XPR1: variants seen among roughly 807,000 people sequenced by gnomAD.
XPR1 encodes xenotropic and polytropic retrovirus receptor 1, also known as solute carrier family 53 member 1.
In XPR1, 28 loss-of-function variants were observed where a neutral mutation model predicts 87.5. The observed-to-expected ratio is 0.32, with a 90% CI of 0.24 to 0.44. The LOEUF is 0.44. Ranked by LOEUF, XPR1 falls within the 20% of genes least tolerant of loss-of-function variation. The pLI is 1.00. For synonymous variants in XPR1, 300 were observed against 306.1 expected, an observed-to-expected ratio of 0.98 and a Z score of 0.21; for missense variants, 559 against 862.3, an observed-to-expected ratio of 0.65 and a Z score of 4.41.
At chr1:180,763,487 A>G (rs1347273775) in intron 2 of XPR1, among the ~76,000 whole-genome samples, 2 of 152,186 alleles carry the variant, frequency 1.3e-5, no homozygotes, top group Non-Finnish European at 2.9e-5. Context: ...GAAGAAATGG[A>G]TATTGAAGAC....
At chr1:180,856,468 T>C (rs1204976905) in intron 11 of XPR1, among the ~76,000 whole-genome samples, 1 of 152,206 alleles carries the variant, frequency 6.6e-6, no homozygotes, top group Non-Finnish European at 1.5e-5. Context: ...CTCCCCAGTC[T>C]GTATCTGAAG....
intron 8 of XPR1, 97 bp downstream of exon 8, chr1:180,825,040 G>A: frequency 6.7e-7 from 1 of 1,499,586 alleles, no homozygotes; most frequent in Non-Finnish European, 8.9e-7. Flanking sequence ...TCTACTTGAA[G>A]AGGATTATTA....
At chr1:180,659,859 C>G (rs907544071) in intron 1 of XPR1, among the ~76,000 whole-genome samples, 1 of 151,992 alleles carries the variant, frequency 6.6e-6, no homozygotes, top group Non-Finnish European at 1.5e-5. Flanking sequence ...GTTTTGGTGT[C>G]AGGATAATAA....
chr1:180,714,349 T>TTTCTC lies in XPR1; in HGVS notation c.121+31939_121+31940insTCTCT, dbSNP rs1393530457. On this transcript the variant is annotated intron_variant, in intron 2 of 14. Transcript: ENST00000367590. ...ATTTTTCTCTCATATTTTTTCCCTG[T>TTTCTC]TCTCTCTCTCTCTCTCTCTCTCTCT... 4.4e-4 allele frequency among the ~76,000 whole-genome samples: 32 copies of TTTCTC among 72,150 alleles called. 1 individual carries two copies. The highest frequency in any genetic ancestry group is 1.6e-3 in the African/African-American group (29 of 18,248). The allele number at this position is 72,150 out of a possible 152,430, so 47.3% of individuals were successfully genotyped here.
intron 2 of XPR1, among the ~76,000 whole-genome samples, chr1:180,707,029 G>C (rs187343426): frequency 6.6e-6 from 1 of 152,178 alleles, no homozygotes; most frequent in East Asian, 1.9e-4. Flanking sequence ...ATCAGTTGTA[G>C]AAATATGTAT....
chr1:180,787,096 G>T (rs570765976), intron 2 of XPR1, among the ~76,000 whole-genome samples: 1 of 151,974 alleles, frequency 6.6e-6, no homozygotes. Context: ...CTTGCTGAAT[G>T]AATTCTACTC....
At chr1:180,761,286 A>C (rs996116916) in intron 2 of XPR1, among the ~76,000 whole-genome samples, 30 of 152,176 alleles carry the variant, frequency 2.0e-4, no homozygotes, top group Admixed American at 9.2e-4. Context: ...GAATTAAACT[A>C]AAGAGCTTCT....
chr1:180,740,397 C>T (rs1658875113), intron 2 of XPR1, among the ~76,000 whole-genome samples: 2 of 151,678 alleles, frequency 1.3e-5, no homozygotes, highest in African/African-American at 4.8e-5. Context: ...TTGTCACATG[C>T]TTTTTATGCG....
chr1:180,806,076 A>T lies in XPR1; in HGVS notation c.462A>T (p.Thr154=). ...LLQNYQNLNF[T]GFRKILKKHD... ...TCTTTCTGTAGAATCTGAATTTTAC[A>T]GGGTTTCGAAAAATCCTGAAAAAGC... Residue 154 remains threonine (T), a synonymous_variant, in exon 5 of 15, where the codon ACA becomes ACT. Coordinates refer to ENST00000367590, the MANE Select transcript of XPR1 (RefSeq NM_004736.4). 3 of 1,612,932 alleles carry T rather than the reference A, an allele frequency of 1.9e-6. No individual in the cohort carries two copies. The highest frequency in any genetic ancestry group is 2.5e-6 in the Non-Finnish European group (3 of 1,179,454).
chr1:180,732,925 A>T (rs568338474), intron 2 of XPR1, among the ~76,000 whole-genome samples: 1 of 152,198 alleles, frequency 6.6e-6, no homozygotes, highest in East Asian at 1.9e-4. Context: ...CAGAAGGGAG[A>T]TGGAGTGGGA....
At chr1:180,855,783 T>G (rs1046535480) in intron 11 of XPR1, among the ~76,000 whole-genome samples, 1 of 152,134 alleles carries the variant, frequency 6.6e-6, no homozygotes, top group South Asian at 2.1e-4. Context: ...TCCTACTAGC[T>G]TAAGAAAATT....
Position 180,880,395 on chromosome 1 carries a change from T to A in XPR1, c.2030+98T>A. On this transcript the variant is annotated intron_variant, in intron 14 of 14. Coordinates refer to ENST00000367590, the MANE Select transcript of XPR1 (RefSeq NM_004736.4). ...AGCTATCAGGTTGAACCAAATGAAATTGCCAATACTCAGCCATTTTTCACC... is the reference window on the plus strand; with the variant it reads ...AGCTATCAGGTTGAACCAAATGAAAATGCCAATACTCAGCCATTTTTCACC... 4 of 1,364,806 alleles carry A rather than the reference T, an allele frequency of 2.9e-6. No individual in the cohort carries two copies. In the South Asian group the frequency reaches 5.3e-5, roughly 18 times the overall value. 84.5% of individuals were successfully genotyped at this position (1,364,806 alleles called of 1,614,324 possible).
At chr1:180,810,289 C>A (rs1554183) in intron 6 of XPR1, among the ~76,000 whole-genome samples, 51,697 of 151,942 alleles carry the variant, frequency 0.34, 9,159 homozygotes, top group Non-Finnish European at 0.38. Flanking sequence ...CTTTAAATTA[C>A]CCCAGTATGG....
At chr1:180,679,510 G>T (rs1656490311) in intron 1 of XPR1, among the ~76,000 whole-genome samples, 2 of 152,100 alleles carry the variant, frequency 1.3e-5, no homozygotes, top group Admixed American at 1.3e-4. Flanking sequence ...AGGCCAATAT[G>T]GGCATCACCA....
intron 1 of XPR1, among the ~76,000 whole-genome samples, chr1:180,641,136 C>T (rs1229124005): frequency 6.6e-6 from 1 of 152,102 alleles, no homozygotes; most frequent in Admixed American, 6.6e-5. Context: ...TGACTTCAGG[C>T]AAGTCAGTTA....
intron 2 of XPR1, among the ~76,000 whole-genome samples, chr1:180,752,965 C>T (rs926043282): frequency 2.0e-5 from 3 of 151,986 alleles, no homozygotes; most frequent in African/African-American, 7.3e-5. Context: ...TACAGAAGTA[C>T]CAAGTAGTTA....
At chr1:180,780,733 A>G (rs1648903066) in intron 2 of XPR1, among the ~76,000 whole-genome samples, 1 of 150,346 alleles carries the variant, frequency 6.7e-6, no homozygotes. Flanking sequence ...GTGCCACTGC[A>G]CTCCAACCTG....
intron 9 of XPR1, among the ~76,000 whole-genome samples, chr1:180,833,682 C>T (rs1464975004): frequency 6.6e-6 from 1 of 152,120 alleles, no homozygotes; most frequent in African/African-American, 2.4e-5. Context: ...AGAATAAACA[C>T]AAAAGCTAAA....
chr1:180,744,876 C>T (rs907138594), intron 2 of XPR1, among the ~76,000 whole-genome samples: 1 of 151,968 alleles, frequency 6.6e-6, no homozygotes, highest in Non-Finnish European at 1.5e-5. Context: ...TGGTCTCGAT[C>T]TCCTGACCTC....
Sources: gnomAD v4.1 joint callset for allele counts (sites outside exome capture counted in the v4.1 genomes callset) on GRCh38, gnomAD v4.1.1 for gene constraint, MANE v1.5 for transcripts, NCBI Gene and HGNC (gene_info 2026-07-23, HGNC 2026-07-21) for gene names.